Variants in GALNT9 observed in about 807,000 individuals in gnomAD.
GALNT9 encodes GalNAc transferase 9.
GALNT9 carries 47 observed loss-of-function variants against 63.1 expected under a neutral mutation model. That is an observed-to-expected ratio of 0.75 (90% CI 0.59 to 0.95). GALNT9 has a LOEUF of 0.95. GALNT9 is among the 40% of genes least tolerant of loss of function. GALNT9 has a pLI of 0.00. For synonymous variants in GALNT9, 396 were observed against 365.7 expected (o/e 1.08, Z -0.94); for missense variants, 829 against 874.8 (o/e 0.95, Z 0.66).
rs1379773461 is a variant in GALNT9 at position 132,236,168 on chromosome 12, G to A, written c.1077+11742C>T. ...GAAGATCCCCTGGGCTGGAGTTCAAGGTCAGACGGGCCTTTCAAATACAAG... is the reference window on the plus strand; with the variant it reads ...GAAGATCCCCTGGGCTGGAGTTCAAAGTCAGACGGGCCTTTCAAATACAAG... On this transcript the variant is annotated intron_variant, in intron 6 of 10. Coordinates refer to ENST00000328957, the MANE Select transcript of GALNT9 (RefSeq NM_001122636.2). This position sits in a 1 kb window ranked among gnomAD's most constrained non-coding sequence, Gnocchi z 5.6. 1.3e-5 allele frequency among the ~76,000 whole-genome samples: 2 copies of A among 152,128 alleles called. No individual in the cohort carries two copies. The highest frequency in any genetic ancestry group is 4.8e-5 in the African/African-American group (2 of 41,414).
chr12:132,216,983 A>T (rs1676493494), intron 6 of GALNT9, among the ~76,000 whole-genome samples: 1 of 152,142 alleles, frequency 6.6e-6, no homozygotes, highest in South Asian at 2.1e-4. Context: ...ACTGTTATAA[A>T]ATCTGGTTTT....
chr12:132,250,157 A>C (rs1878853185), intron 5 of GALNT9, among the ~76,000 whole-genome samples: 1 of 152,190 alleles, frequency 6.6e-6, no homozygotes, highest in African/African-American at 2.4e-5. Flanking sequence ...GAACCCTGGA[A>C]ACGTGGCACC....
At chr12:132,229,638 T>C (rs1323561410) in intron 6 of GALNT9, among the ~76,000 whole-genome samples, 3 of 152,032 alleles carry the variant, frequency 2.0e-5, no homozygotes, top group Admixed American at 6.5e-5. Flanking sequence ...AGCGGGGCCG[T>C]CCCCACCCTT....
At chr12:132,268,699 G>C (rs1879747649) in intron 2 of GALNT9, among the ~76,000 whole-genome samples, 1 of 152,180 alleles carries the variant, frequency 6.6e-6, no homozygotes, top group Non-Finnish European at 1.5e-5. Flanking sequence ...AAAACAAAAT[G>C]TCCAATGAAA....
rs551983886 is a variant in GALNT9 at position 132,196,569 on chromosome 12, C to T, written c.*538G>A. ...AGCAGTCGTGCCAGCCTCCTAGACA[C>T]GGCCTCAGGTTTGTCGCTGTCCATG... On this transcript the variant is annotated 3_prime_UTR_variant, in exon 11 of 11. Coordinates refer to ENST00000328957, the MANE Select transcript of GALNT9 (RefSeq NM_001122636.2). 60 of 986,644 alleles carry T rather than the reference C, an allele frequency of 6.1e-5. No individual in the cohort carries two copies. The highest frequency in any genetic ancestry group is 3.7e-4 in the South Asian group (8 of 21,334). The allele number at this position is 986,644 out of a possible 1,614,324, so 61.1% of individuals were successfully genotyped here.
Position 132,236,497 on chromosome 12 carries a change from G to A in GALNT9, c.1077+11413C>T, listed in dbSNP as rs1201094691. On this transcript the variant is annotated intron_variant, in intron 6 of 10. Transcript: ENST00000328957. The surrounding 1 kb of genome is among the most constrained non-coding windows in gnomAD (Gnocchi z 5.6). ...TCAGCTCTGCAAAATCATCACAGAC[G>A]TGGGGGGATGGCGTCTCTCCCTCCC... Among the ~76,000 whole-genome samples, 3 of 151,658 alleles carry A rather than the reference G, an allele frequency of 2.0e-5. No homozygotes were observed. The highest frequency in any genetic ancestry group is 6.6e-5 in the Admixed American group (1 of 15,254).
chr12:132,293,687 T>C (rs1301710147), intron 1 of GALNT9, among the ~76,000 whole-genome samples: 2 of 152,230 alleles, frequency 1.3e-5, no homozygotes, highest in Non-Finnish European at 2.9e-5. Flanking sequence ...GGGGACCCCC[T>C]GCACATTCAG....
chr12:132,230,002 C>T (rs994166162), intron 6 of GALNT9, among the ~76,000 whole-genome samples: 4 of 152,182 alleles, frequency 2.6e-5, no homozygotes, highest in South Asian at 2.1e-4. Context: ...TCTGCCAGGC[C>T]GACCTGGGTC....
At chr12:132,302,412 C>T (rs76635593) in intron 1 of GALNT9, among the ~76,000 whole-genome samples, 4,488 of 152,310 alleles carry the variant, frequency 0.029, 123 homozygotes, top group East Asian at 0.12. Flanking sequence ...TTTATCACTA[C>T]GTCTTGAGTA....
At chr12:132,217,537 C>T (rs1877257149) in intron 6 of GALNT9, among the ~76,000 whole-genome samples, 1 of 150,688 alleles carries the variant, frequency 6.6e-6, no homozygotes, top group African/African-American at 2.4e-5. Flanking sequence ...ACCAGCCAAC[C>T]ATTCATCCAT....
chr12:132,235,230 C>T (rs1314628187), intron 6 of GALNT9, among the ~76,000 whole-genome samples: 7 of 151,602 alleles, frequency 4.6e-5, no homozygotes, highest in African/African-American at 1.7e-4. Flanking sequence ...GTGGAGCTGG[C>T]CCACAAGCTC....
In GALNT9 at chr12:132,268,552, C is replaced by CT. The variant is rs147404675; in HGVS notation, c.420-5928dup. 9.5e-3 allele frequency among the ~76,000 whole-genome samples: 1,444 copies of CT among 152,268 alleles called. 20 individuals carry two copies. Among genetic ancestry groups the CT allele is most frequent in the African/African-American group, 0.033 (1,386 of 41,542 alleles). On this transcript the variant is annotated intron_variant, in intron 2 of 10. Transcript: ENST00000328957. ...AACAAAACAAAATGGATAAATTGGA[C>CT]TTTATCAAAATAAAAAACCATCTGT... is the stretch of plus-strand genomic sequence containing the variant.
Position 132,316,231 on chromosome 12 carries a change from C to T in GALNT9, c.238+12735G>A, listed in dbSNP as rs574010641. Reference sequence around the variant, plus strand: ...GCATGAAGCTGGATCACAGTCAGTGCCTGCCCCGGGCCCCGACCTGCAAAG... The same window carrying T: ...GCATGAAGCTGGATCACAGTCAGTGTCTGCCCCGGGCCCCGACCTGCAAAG... On this transcript the variant is annotated intron_variant, in intron 1 of 10. Transcript: ENST00000328957. This position sits in a 1 kb window ranked among gnomAD's most constrained non-coding sequence, Gnocchi z 4.3. 1.3e-5 allele frequency among the ~76,000 whole-genome samples: 2 copies of T among 152,078 alleles called. No individual in the cohort carries two copies. The highest frequency in any genetic ancestry group is 2.9e-5 in the Non-Finnish European group (2 of 68,010).
At chr12:132,259,592 T>C (rs112581408) in intron 4 of GALNT9, among the ~76,000 whole-genome samples, 2,404 of 152,212 alleles carry the variant, frequency 0.016, 58 homozygotes, top group African/African-American at 0.054. Context: ...GGGAGAAGCC[T>C]GAGAGGTGCC....
At chr12:132,244,813 G>T (rs373639460) in intron 6 of GALNT9, among the ~76,000 whole-genome samples, 1 of 146,018 alleles carries the variant, frequency 6.8e-6, no homozygotes. Flanking sequence ...GGGCAGCATG[G>T]TGATGGAGTT....
intron 2 of GALNT9, among the ~76,000 whole-genome samples, chr12:132,270,498 C>T (rs188078787): frequency 1.3e-5 from 2 of 152,380 alleles, no homozygotes; most frequent in East Asian, 1.9e-4. Context: ...CTGAGAACAG[C>T]TGGCTTCACG....
At chr12:132,302,781 A>G (rs997904545) in intron 1 of GALNT9, among the ~76,000 whole-genome samples, 1 of 152,192 alleles carries the variant, frequency 6.6e-6, no homozygotes, top group African/African-American at 2.4e-5. Context: ...GTGGCTGCGC[A>G]TGCAGGTCAG....
At chr12:132,264,301 C>T (rs954909064) in intron 2 of GALNT9, among the ~76,000 whole-genome samples, 9 of 152,224 alleles carry the variant, frequency 5.9e-5, no homozygotes, top group African/African-American at 1.7e-4. Flanking sequence ...AGCCCAGGAG[C>T]GATCAGGGCA....
intron 2 of GALNT9, chr12:132,283,381 C>T (rs1481217121): frequency 2.0e-5 from 3 of 152,448 alleles, no homozygotes; most frequent in African/African-American, 4.8e-5. Flanking sequence ...ACTTGGAGAC[C>T]TTCCTCTGTC....
Sources: gnomAD v4.1 joint callset for allele counts (sites outside exome capture counted in the v4.1 genomes callset) on GRCh38, gnomAD v4.1.1 for gene constraint, Gnocchi (gnomAD v3.1) non-coding constraint, MANE v1.5 for transcripts, NCBI Gene and HGNC (gene_info 2026-07-23, HGNC 2026-07-21) for gene names.